HSD17B13: variants seen among roughly 807,000 people sequenced by gnomAD.
HSD17B13 encodes the protein 17-beta-hydroxysteroid dehydrogenase 13.
Under a neutral mutation model 31.1 loss-of-function variants are expected in HSD17B13, and 26 were observed. That is an observed-to-expected ratio of 0.84 (90% CI 0.61 to 1.16). The LOEUF (loss-of-function observed/expected upper bound fraction) is 1.16, where lower values mean the gene tolerates loss of function less well. HSD17B13 is among the 50% of genes most tolerant of loss of function. The pLI, the probability that HSD17B13 is intolerant of heterozygous loss-of-function variation, is 0.00. For synonymous variants in HSD17B13, 141 were observed against 133.7 expected, an observed-to-expected ratio of 1.05 and a Z score of -0.38; for missense variants, 374 against 366.5, an observed-to-expected ratio of 1.02 and a Z score of -0.17.
In HSD17B13 at chr4:87,322,604, T is replaced by G. The variant is rs1274589840; in HGVS notation, c.210+28A>C. 4 of 1,452,016 alleles carry G rather than the reference T, an allele frequency of 2.8e-6. No individual in the cohort carries two copies. In the African/African-American group the frequency reaches 5.6e-5, roughly 20 times the overall value. 89.9% of individuals were successfully genotyped at this position (1,452,016 alleles called of 1,614,324 possible). The stretch of plus-strand genomic sequence containing the variant: ...AAAATACATATCTTACTCTGTGACT[T>G]TAAAAAGTTGGAAGATGTATACATT... On this transcript the variant is annotated intron_variant, in intron 1 of 6. Coordinates refer to ENST00000328546, the MANE Select transcript of HSD17B13 (RefSeq NM_178135.5).
intron 4 of HSD17B13, among the ~76,000 whole-genome samples, chr4:87,314,641 T>TCACACACACA (rs1553956168): frequency 1.4e-5 from 2 of 142,252 alleles, no homozygotes; most frequent in African/African-American, 5.1e-5. Flanking sequence ...TCTCTCTCTC[T>TCACACACACA]CACACACACA....
chr4:87,313,997 G>A, intron 4 of HSD17B13, 37 bp from the exon 5 acceptor site: 1 of 1,447,990 alleles, frequency 6.9e-7, no homozygotes, highest in Non-Finnish European at 9.1e-7. Context: ...AGCTAAGGGA[G>A]AGTGAAACCA....
Position 87,317,160 on chromosome 4 carries a change from C to G in HSD17B13, c.382G>C (p.Asp128His). ...VNNAGTVYPA[D>H]LLSTKDEEIT... ...TCTTCATCCTTGGTGCTGAGAAGAT[C>G]GGCTGGATATACTGTCCCAGCATTA... is the stretch of plus-strand genomic sequence containing the variant. The change falls in exon 3 of 7, where the codon GAT (aspartate) becomes CAT (histidine). Residue 128 changes from aspartate to histidine, a missense_variant. Asp to His is a moderately conservative substitution (Grantham distance 81). Transcript: ENST00000328546. 1 of 1,613,818 alleles carries G rather than the reference C, an allele frequency of 6.2e-7. No individual in the cohort carries two copies. The highest frequency in any genetic ancestry group is 8.5e-7 in the Non-Finnish European group (1 of 1,179,704).
At position 87,305,146 on chromosome 4, in the gene HSD17B13, A is replaced by C; in HGVS notation, c.*72T>G. 1.1e-6 allele frequency: 1 copy of C among 952,264 alleles called. No homozygotes were observed. The highest frequency in any genetic ancestry group is 1.5e-6 in the Non-Finnish European group (1 of 654,894). 59.0% of individuals were successfully genotyped at this position (952,264 alleles called of 1,614,324 possible). A position where few individuals can be genotyped will look rare whatever the true frequency, so the allele number is the denominator to read the frequency against. ...ATCAGGACTGAAAAAATGTGAAATA[A>C]AGCTTTGCAGCATTGATTCGAAACT... On this transcript the variant is annotated 3_prime_UTR_variant, in exon 7 of 7. Transcript: ENST00000328546.
intron 2 of HSD17B13, among the ~76,000 whole-genome samples, chr4:87,317,563 C>CTTTATTTTTTTT (rs1734681075): frequency 2.0e-5 from 1 of 49,714 alleles, no homozygotes; most frequent in African/African-American, 8.4e-5. Context: ...TTTCTTTAAA[C>CTTTATTTTTTTT]TTTTTTTTTT....
chr4:87,320,365 G>T (rs147115396), intron 1 of HSD17B13, among the ~76,000 whole-genome samples: 156 of 144,744 alleles, frequency 1.1e-3, no homozygotes, highest in African/African-American at 3.5e-3. Flanking sequence ...TTTGATTGAA[G>T]AATTAATTAT....
At position 87,304,247 on chromosome 4, in the gene HSD17B13, T is replaced by C. The variant is rs1192255659; in HGVS notation, c.*971A>G. 6.6e-6 allele frequency: 1 copy of C among 152,138 alleles called. No homozygotes were observed. The highest frequency in any genetic ancestry group is 1.5e-5 in the Non-Finnish European group (1 of 68,064). The allele number at this position is 152,138 out of a possible 1,614,324, so 9.4% of individuals were successfully genotyped here. On this transcript the variant is annotated 3_prime_UTR_variant, in exon 7 of 7. Transcript: ENST00000328546. ...TGGCGTGAACCCGGGAGGTGGAGCT[T>C]GCAGTGAGCTGAGATCATACCACTG...
chr4:87,310,182 A>AAAG, intron 6 of HSD17B13, 61 bp downstream of exon 6: 66 of 1,436,000 alleles, frequency 4.6e-5, no homozygotes, highest in Middle Eastern at 1.9e-4. Flanking sequence ...TAAAAAAAAA[A>AAAG]AAAGCAAAAA....
In HSD17B13 at chr4:87,307,794, C is replaced by A. The variant is rs536247258; in HGVS notation, c.812+2449G>T. Among the ~76,000 whole-genome samples the A allele has an allele frequency of 2.4e-4, 37 of 152,304 alleles. No homozygotes were observed. In the South Asian group the frequency reaches 6.2e-3, roughly 26 times the overall value. On this transcript the variant is annotated intron_variant, in intron 6 of 6. Transcript: ENST00000328546. ...GGAATTACAGGCGTGAGACACCACA[C>A]CCGGCCTAGTCAACTCGCGAGATGA...
chr4:87,312,771 T>C (rs1259008607), intron 5 of HSD17B13, among the ~76,000 whole-genome samples: 1 of 151,748 alleles, frequency 6.6e-6, no homozygotes, highest in Non-Finnish European at 1.5e-5. Flanking sequence ...TAAAAACTTA[T>C]TTTTTTGGCC....
chr4:87,307,813 G>C (rs186474524), intron 6 of HSD17B13, among the ~76,000 whole-genome samples: 1 of 152,190 alleles, frequency 6.6e-6, no homozygotes, highest in Non-Finnish European at 1.5e-5. Flanking sequence ...GTCAACTCGC[G>C]AGATGATGTT....
intron 2 of HSD17B13, 24 bp downstream of exon 2, chr4:87,318,304 GA>G (rs1734701300): frequency 6.5e-7 from 1 of 1,538,654 alleles, no homozygotes; most frequent in African/African-American, 1.4e-5. Context: ...ATAATCTGAA[GA>G]AATTTGTGAA....
chr4:87,304,637 T>C lies in HSD17B13; in HGVS notation c.*581A>G, dbSNP rs908580118. ...CCACTTTTGGTGGACTTCAGAGTTA[T>C]ACAGAAGACAGAATCAAGTAATAAA... On this transcript the variant is annotated 3_prime_UTR_variant, in exon 7 of 7. Coordinates refer to ENST00000328546, the MANE Select transcript of HSD17B13 (RefSeq NM_178135.5). 3 of 152,242 alleles carry C rather than the reference T, an allele frequency of 2.0e-5. No individual in the cohort carries two copies. Among genetic ancestry groups the C allele is most frequent in the Middle Eastern group, 3.2e-3 (1 of 316 alleles). 9.4% of individuals were successfully genotyped at this position (152,242 alleles called of 1,614,324 possible).
intron 4 of HSD17B13, among the ~76,000 whole-genome samples, chr4:87,314,276 T>C (rs1187815214): frequency 6.6e-6 from 1 of 152,076 alleles, no homozygotes; most frequent in Non-Finnish European, 1.5e-5. Context: ...TTCTAATCAG[T>C]TTTTATTGCT....
At chr4:87,321,565 A>G (rs796850253) in intron 1 of HSD17B13, among the ~76,000 whole-genome samples, 11 of 152,318 alleles carry the variant, frequency 7.2e-5, no homozygotes, top group African/African-American at 2.6e-4. Context: ...AATTCTTGCT[A>G]TCTTCCAGAA....
chr4:87,313,789 C>T (rs1217205397), intron 5 of HSD17B13, 34 bp downstream of exon 5: 1 of 1,590,310 alleles, frequency 6.3e-7, no homozygotes, highest in Non-Finnish European at 8.6e-7. Context: ...ATTTATCATA[C>T]CACATACCCA....
intron 6 of HSD17B13, among the ~76,000 whole-genome samples, chr4:87,308,946 C>G (rs1044664129): frequency 3.6e-5 from 3 of 84,152 alleles, no homozygotes; most frequent in Non-Finnish European, 8.0e-5. Flanking sequence ...AAAAAAAAAG[C>G]TTATCGAGTT....
chr4:87,315,738 G>T, intron 3 of HSD17B13, 139 bp from the exon 4 acceptor site: 1 of 521,534 alleles, frequency 1.9e-6, no homozygotes, highest in South Asian at 2.9e-5. Context: ...AGCATTCCAT[G>T]ATTAATTCTT....
intron 5 of HSD17B13, among the ~76,000 whole-genome samples, chr4:87,312,868 T>A (rs953849111): frequency 1.3e-5 from 2 of 151,840 alleles, no homozygotes; most frequent in South Asian, 4.2e-4. Context: ...GAGACCAGCC[T>A]GGCCAACATG....
Sources: allele counts gnomAD v4.1 joint callset (sites outside exome capture counted in the v4.1 genomes callset), GRCh38; gene constraint gnomAD v4.1.1; transcripts MANE v1.5; gene names NCBI Gene and HGNC (gene_info 2026-07-23, HGNC 2026-07-21).